Variants in PROB1 observed in about 807,000 individuals in gnomAD.
PROB1 encodes proline-rich basic protein 1.
For missense variants in PROB1, 1,453 were observed against 1,485.7 expected (o/e 0.98, Z 0.36); for synonymous variants, 660 against 699.3 (o/e 0.94, Z 0.89).
At position 139,394,718 on chromosome 5, in the gene PROB1, C is replaced by T. The variant is rs73255289; in HGVS notation, c.364G>A (p.Gly122Ser). 0.11 allele frequency: 175,143 copies of T among 1,531,728 alleles called. 10,479 individuals carry two copies. Among genetic ancestry groups the T allele is most frequent in the East Asian group, 0.15 (6,007 of 39,852 alleles). 94.9% of individuals were successfully genotyped at this position (1,531,728 alleles called of 1,614,324 possible). A position where few individuals can be genotyped will look rare whatever the true frequency, so the allele number is the denominator to read the frequency against. ...EVIFGVGPLF[G>S]CSGADDREAQ... ...TCGCGATCGTCTGCGCCGGAGCAGC[C>T]GAACAGGGGTCCGACGCCGAAGATG... The change falls in exon 1 of 1, where the codon GGC (glycine) becomes AGC (serine). Residue 122 changes from glycine to serine, a missense_variant. By Grantham distance (56) the Gly-to-Ser change is moderately conservative. Transcript: ENST00000434752.
rs1390871944 is a variant in PROB1 at position 139,393,915 on chromosome 5, C to T, written c.1167G>A (p.Arg389=). Residue 389 remains arginine, a synonymous_variant, in exon 1 of 1, where the codon AGG becomes AGA. Transcript: ENST00000434752. ...IPSEVPSRAV[R]PRSPSPPRQT... ...GCCGTGGCGGGGACGGGCTCCTTGGCCTCACAGCCCTACTCGGAACCTCCG... is the reference window on the plus strand; with the variant it reads ...GCCGTGGCGGGGACGGGCTCCTTGGTCTCACAGCCCTACTCGGAACCTCCG... The T allele has an allele frequency of 1.0e-5, 16 of 1,550,888 alleles. No individual in the cohort carries two copies. The highest frequency in any genetic ancestry group is 1.4e-5 in the Non-Finnish European group (16 of 1,146,988).
Position 139,393,065 on chromosome 5 carries a change from GC to G in PROB1, c.2016del (p.Ala675ProfsTer73). 1 of 1,529,300 alleles carries G rather than the reference GC, an allele frequency of 6.5e-7. No individual in the cohort carries two copies. Among genetic ancestry groups the G allele is most frequent in the Non-Finnish European group, 8.8e-7 (1 of 1,137,476 alleles). 94.7% of individuals were successfully genotyped at this position (1,529,300 alleles called of 1,614,324 possible). On this transcript the variant is annotated frameshift_variant, in exon 1 of 1. Coordinates refer to ENST00000434752, the MANE Select transcript of PROB1 (RefSeq NM_001161546.2). LOFTEE classifies it low-confidence loss of function (END_TRUNC). ...ESKTQEPPAL[G>X]PPAPAHYTSV... ...GAAGTGTAGTGAGCCGGGGCGGGGG[GC>G]CCCAGTGCTGGCGGCTCTTGCGTCT...
In PROB1 at chr5:139,392,127, C is replaced by T. The variant is rs1436831683; in HGVS notation, c.2955G>A (p.Gly985=). ...GCAGAGGAGGTGCGGGGTTGGGGGTCCCGCTCACCGGCAGGTAGTAGGTCC... is the reference window on the plus strand; with the variant it reads ...GCAGAGGAGGTGCGGGGTTGGGGGTTCCGCTCACCGGCAGGTAGTAGGTCC... ...LDGTYYLPVS[G]TPNPAPPLLL... is the part of the protein sequence containing the mutation. Residue 985 remains glycine, a synonymous_variant, in exon 1 of 1, where the codon GGG becomes GGA. Transcript: ENST00000434752. This position sits in a 1 kb window ranked among gnomAD's most constrained non-coding sequence, Gnocchi z 5.8. 10 of 1,407,850 alleles carry T rather than the reference C, an allele frequency of 7.1e-6. No individual in the cohort carries two copies. The highest frequency in any genetic ancestry group is 9.3e-6 in the Non-Finnish European group (10 of 1,076,452). The allele number at this position is 1,407,850 out of a possible 1,614,324, so 87.2% of individuals were successfully genotyped here.
Position 139,392,849 on chromosome 5 carries a change from G to A in PROB1, c.2233C>T (p.Pro745Ser). The A allele has an allele frequency of 1.3e-6, 2 of 1,540,442 alleles. No individual in the cohort carries two copies. The highest frequency in any genetic ancestry group is 1.8e-6 in the Non-Finnish European group (2 of 1,141,680). Reference protein sequence around the residue: ...LPGALALGRRPEVTSRVRARG... With the variant: ...LPGALALGRRSEVTSRVRARG... ...GCTCGCACTCGCGAGGTTACCTCGG[G>A]CCGGCGACCCAAGGCCAGGGCCCCA... The change falls in exon 1 of 1, where the codon CCC becomes TCC. Residue 745 changes from proline (P) to serine (S), a missense_variant. Coordinates refer to ENST00000434752, the MANE Select transcript of PROB1 (RefSeq NM_001161546.2). The surrounding 1 kb of genome is among the most constrained non-coding windows in gnomAD (Gnocchi z 5.8).
rs1404263110 is a variant in PROB1 at position 139,394,917 on chromosome 5, A to G, written c.165T>C (p.Asn55=). The G allele has an allele frequency of 6.6e-7, 1 of 1,519,256 alleles. No homozygotes were observed. The highest frequency in any genetic ancestry group is 8.8e-7 in the Non-Finnish European group (1 of 1,134,718). The allele number at this position is 1,519,256 out of a possible 1,614,324, so 94.1% of individuals were successfully genotyped here. ...CCCGCCCAGGAGCCACCCAGGGCCA[A>G]TTCGCTGGGCCTTTCGCGTCCGGCC... The part of the protein sequence containing the change: ...DVGPDAKGPA[N]WPWVAPGRGA... Residue 55 remains asparagine, a synonymous_variant, in exon 1 of 1, where the codon AAT becomes AAC. Transcript: ENST00000434752.
Position 139,394,737 on chromosome 5 carries a change from GA to G in PROB1, c.344del (p.Phe115SerfsTer57), listed in dbSNP as rs1758664346. On this transcript the variant is annotated frameshift_variant, in exon 1 of 1. Coordinates refer to ENST00000434752, the MANE Select transcript of PROB1 (RefSeq NM_001161546.2). LOFTEE classifies it low-confidence loss of function (END_TRUNC). Reference protein sequence around the residue: ...TLPSGEMEVIFGVGPLFGCSG... With the variant: ...TLPSGEMEVIXGVGPLFGCSG... ...AGCAGCCGAACAGGGGTCCGACGCC[GA>G]AGATGACTTCCATCTCCCCCGACGG... 1 of 1,533,214 alleles carries G rather than the reference GA, an allele frequency of 6.5e-7. No homozygotes were observed. The highest frequency in any genetic ancestry group is 1.4e-5 in the African/African-American group (1 of 71,316). The allele number at this position is 1,533,214 out of a possible 1,614,324, so 95.0% of individuals were successfully genotyped here. A position where few individuals can be genotyped will look rare whatever the true frequency, so the allele number is the denominator to read the frequency against.
rs1190140269 is a variant in PROB1 at position 139,392,737 on chromosome 5, G to A, written c.2345C>T (p.Ala782Val). Residue 782 changes from alanine to valine, a missense_variant, in exon 1 of 1, where the codon GCC becomes GTC. Transcript: ENST00000434752. The surrounding 1 kb of genome is among the most constrained non-coding windows in gnomAD (Gnocchi z 5.8). ...GDGRTSPLGG[A>V]RSSSQRSPVG... The stretch of plus-strand genomic sequence containing the variant: ...GGGGGAGCGCTGGGATGAGCTGCGG[G>A]CGCCGCCTAGAGGGCTGGTCCGACC... 7.1e-7 allele frequency: 1 copy of A among 1,411,882 alleles called. No individual in the cohort carries two copies. The highest frequency in any genetic ancestry group is 3.3e-5 in the Admixed American group (1 of 30,188). The allele number at this position is 1,411,882 out of a possible 1,614,324, so 87.5% of individuals were successfully genotyped here. A position where few individuals can be genotyped will look rare whatever the true frequency, so the allele number is the denominator to read the frequency against.
At position 139,394,523 on chromosome 5, in the gene PROB1, C is replaced by G; in HGVS notation, c.559G>C (p.Glu187Gln). 1 of 1,465,046 alleles carries G rather than the reference C, an allele frequency of 6.8e-7. No individual in the cohort carries two copies. Among genetic ancestry groups the G allele is most frequent in the South Asian group, 1.4e-5 (1 of 72,556 alleles). The allele number at this position is 1,465,046 out of a possible 1,614,324, so 90.8% of individuals were successfully genotyped here. The change falls in exon 1 of 1, where the codon GAG (glutamate) becomes CAG (glutamine). Residue 187 changes from glutamate to glutamine, a missense_variant. Coordinates refer to ENST00000434752, the MANE Select transcript of PROB1 (RefSeq NM_001161546.2). ...TCCTCCAGAGCCACCTCCACACACTCGAACTGCGCTGGGGCGGCAGGACTT... is the reference window on the plus strand; with the variant it reads ...TCCTCCAGAGCCACCTCCACACACTGGAACTGCGCTGGGGCGGCAGGACTT... ...GPSPAAPAQF[E>Q]CVEVALEEGA...
At position 139,393,840 on chromosome 5, in the gene PROB1, G is replaced by C. The variant is rs1387762747; in HGVS notation, c.1242C>G (p.Asn414Lys). The C allele has an allele frequency of 1.3e-6, 2 of 1,551,016 alleles. No homozygotes were observed. Among genetic ancestry groups the C allele is most frequent in the East Asian group, 4.9e-5 (2 of 40,874 alleles). Residue 414 changes from asparagine to lysine, a missense_variant, in exon 1 of 1, where the codon AAC becomes AAG. Physicochemically the swap from Asn to Lys is moderately conservative, Grantham distance 94. Transcript: ENST00000434752. The part of the protein sequence containing the change: ...VRGPRCPSPQ[N>K]LSPWDRTTRR... ...GAGTAGTCCGATCCCACGGGGACAG[G>C]TTCTGGGGCGACGGGCAGCGAGGAC...
At position 139,393,515 on chromosome 5, in the gene PROB1, C is replaced by A. The variant is rs1310930379; in HGVS notation, c.1567G>T (p.Asp523Tyr). 6.4e-7 allele frequency: 1 copy of A among 1,551,496 alleles called. No individual in the cohort carries two copies. Residue 523 changes from aspartate (D) to tyrosine (Y), a missense_variant, in exon 1 of 1, where the codon GAT (aspartate) becomes TAT (tyrosine). Physicochemically the swap from Asp to Tyr is radical, Grantham distance 160. Transcript: ENST00000434752. Reference protein sequence around the residue: ...TWGPSPQETWDPMGPGSSIAF... With the variant: ...TWGPSPQETWYPMGPGSSIAF... Reference sequence around the variant, plus strand: ...ATCGATGAGCCCGGCCCCATGGGATCCCATGTCTCTTGGGGAGATGGGCCC... The same window carrying A: ...ATCGATGAGCCCGGCCCCATGGGATACCATGTCTCTTGGGGAGATGGGCCC...
At position 139,392,245 on chromosome 5, in the gene PROB1, G is replaced by A. The variant is rs759478697; in HGVS notation, c.2837C>T (p.Pro946Leu). 2.4e-5 allele frequency: 36 copies of A among 1,483,622 alleles called. No homozygotes were observed. The South Asian group carries it at 2.6e-4, about 11-fold the overall frequency. The allele number at this position is 1,483,622 out of a possible 1,614,324, so 91.9% of individuals were successfully genotyped here. Residue 946 changes from proline to leucine, a missense_variant, in exon 1 of 1, where the codon CCT becomes CTT. Transcript: ENST00000434752. The surrounding 1 kb of genome is among the most constrained non-coding windows in gnomAD (Gnocchi z 5.8). ...GLGLYPPAYG[P>L]IPSLSLPPSP... Reference sequence around the variant, plus strand: ...CGGTGGCAGAGAGAGGCTGGGTATAGGCCCATAGGCGGGCGGGTAGAGGCC... The same window carrying A: ...CGGTGGCAGAGAGAGGCTGGGTATAAGCCCATAGGCGGGCGGGTAGAGGCC...
Position 139,393,851 on chromosome 5 carries a change from A to T in PROB1, c.1231T>A (p.Ser411Thr). The change falls in exon 1 of 1, where the codon TCG (serine) becomes ACG (threonine). Residue 411 changes from serine (S) to threonine (T), a missense_variant. Coordinates refer to ENST00000434752, the MANE Select transcript of PROB1 (RefSeq NM_001161546.2). ...NGAVRGPRCP[S>T]PQNLSPWDRT... is the part of the protein sequence containing the mutation. ...TCCCACGGGGACAGGTTCTGGGGCG[A>T]CGGGCAGCGAGGACCCCGTACAGCC... The T allele has an allele frequency of 6.4e-7, 1 of 1,551,196 alleles. No homozygotes were observed. Among genetic ancestry groups the T allele is most frequent in the East Asian group, 2.4e-5 (1 of 40,896 alleles).
rs202094107 is a variant in PROB1, at chr5:139,392,567, G to A, written c.2515C>T (p.Pro839Ser). ...AAVQAPLPRE[P>S]LALAGRTAPA... ...GCCGTCCTGCCCGCCAACGCCAGGGGCTCCCGCGGGAGTGGCGCCTGGACG... is the reference window on the plus strand; with the variant it reads ...GCCGTCCTGCCCGCCAACGCCAGGGACTCCCGCGGGAGTGGCGCCTGGACG... Residue 839 changes from proline to serine, a missense_variant, in exon 1 of 1, where the codon CCC becomes TCC. Transcript: ENST00000434752. This position sits in a 1 kb window ranked among gnomAD's most constrained non-coding sequence, Gnocchi z 5.8. The A allele has an allele frequency of 5.1e-3, 6,874 of 1,353,364 alleles. 19 individuals carry two copies. The highest frequency in any genetic ancestry group is 5.9e-3 in the Non-Finnish European group (6,224 of 1,057,924). The allele number at this position is 1,353,364 out of a possible 1,614,324, so 83.8% of individuals were successfully genotyped here.
chr5:139,393,048 G>A lies in PROB1; in HGVS notation c.2034C>T (p.His678=), dbSNP rs1758626846. 3 of 1,533,576 alleles carry A rather than the reference G, an allele frequency of 2.0e-6. No homozygotes were observed. The highest frequency in any genetic ancestry group is 1.4e-5 in the African/African-American group (1 of 72,382). 95.0% of individuals were successfully genotyped at this position (1,533,576 alleles called of 1,614,324 possible). The change falls in exon 1 of 1, where the codon CAC becomes CAT. Residue 678 remains histidine (H), a synonymous_variant. Transcript: ENST00000434752. ...AATCCTTGATGAAAACGGAAGTGTA[G>A]TGAGCCGGGGCGGGGGGCCCCAGTG... is the stretch of plus-strand genomic sequence containing the variant. ...PPALGPPAPA[H]YTSVFIKDFL... is the part of the protein sequence containing the mutation.
At position 139,395,059 on chromosome 5, in the gene PROB1, G is replaced by T; in HGVS notation, c.23C>A (p.Pro8Gln). 2 of 1,416,736 alleles carry T rather than the reference G, an allele frequency of 1.4e-6. No homozygotes were observed. The highest frequency in any genetic ancestry group is 1.8e-6 in the Non-Finnish European group (2 of 1,086,188). The allele number at this position is 1,416,736 out of a possible 1,614,324, so 87.8% of individuals were successfully genotyped here. ...CTGCCTCGGGATCCCAGGCAGGGCTGGCGGGGCGAGCGCGGTCAGCATGGT... is the reference window on the plus strand; with the variant it reads ...CTGCCTCGGGATCCCAGGCAGGGCTTGCGGGGCGAGCGCGGTCAGCATGGT... MLTALAP[P>Q]ALPGIPRQLP... Residue 8 changes from proline (P) to glutamine (Q), a missense_variant, in exon 1 of 1, where the codon CCA becomes CAA. Coordinates refer to ENST00000434752, the MANE Select transcript of PROB1 (RefSeq NM_001161546.2).
chr5:139,392,226 CAG>C lies in PROB1; in HGVS notation c.2854_2855del (p.Leu952AlafsTer19). ...PAYGPIPSLS[L>X]PPSPGPQALG... ...GGGCCTGCGGGCCCGGGGACGGTGGCAGAGAGAGGCTGGGTATAGGCCCATAG... is the reference window on the plus strand; with the variant it reads ...GGGCCTGCGGGCCCGGGGACGGTGGCAGAGAGGCTGGGTATAGGCCCATAG... On this transcript the variant is annotated frameshift_variant, in exon 1 of 1. Coordinates refer to ENST00000434752, the MANE Select transcript of PROB1 (RefSeq NM_001161546.2). LOFTEE classifies it low-confidence loss of function (END_TRUNC). This position sits in a 1 kb window ranked among gnomAD's most constrained non-coding sequence, Gnocchi z 5.8. 4.2e-6 allele frequency: 6 copies of C among 1,445,118 alleles called. No homozygotes were observed. Among genetic ancestry groups the C allele is most frequent in the Middle Eastern group, 1.8e-4 (1 of 5,484 alleles). The allele number at this position is 1,445,118 out of a possible 1,614,324, so 89.5% of individuals were successfully genotyped here.
Position 139,393,798 on chromosome 5 carries a change from T to C in PROB1, c.1284A>G (p.Pro428=). Residue 428 remains proline (P), a synonymous_variant, in exon 1 of 1, where the codon CCA becomes CCG. Coordinates refer to ENST00000434752, the MANE Select transcript of PROB1 (RefSeq NM_001161546.2). ...WDRTTRRVSS[P]LFPEASSEWE... ...ACTCGGAGGAGGCTTCAGGGAACAA[T>C]GGGCTACTCACCCTCCGAGTAGTCC... is the stretch of plus-strand genomic sequence containing the variant. 6.4e-7 allele frequency: 1 copy of C among 1,551,308 alleles called. No homozygotes were observed. Among genetic ancestry groups the C allele is most frequent in the Non-Finnish European group, 8.7e-7 (1 of 1,146,932 alleles).
Position 139,393,308 on chromosome 5 carries a change from T to G in PROB1, c.1774A>C (p.Ser592Arg), listed in dbSNP as rs931167385. The change falls in exon 1 of 1, where the codon AGC (serine) becomes CGC (arginine). Residue 592 changes from serine to arginine, a missense_variant. Coordinates refer to ENST00000434752, the MANE Select transcript of PROB1 (RefSeq NM_001161546.2). ...GCGTCCAGGGTGCCCACAGGGTGGC[T>G]GCCGGGCGGCTCGGGTGCTGCTACC... ...PEVAAPEPPG[S>R]HPVGTLDADK... The G allele has an allele frequency of 1.0e-5, 16 of 1,550,654 alleles. No individual in the cohort carries two copies. In the Admixed American group the frequency reaches 3.1e-4, roughly 30 times the overall value.
Position 139,392,930 on chromosome 5 carries a change from G to A in PROB1, c.2152C>T (p.Arg718Trp), listed in dbSNP as rs1758623172. ...DASQPNGVLRRRAENSTAKPF... is the reference protein window; with the variant it reads ...DASQPNGVLRWRAENSTAKPF... ...TTCGCCGTGCTGTTCTCTGCCCTCC[G>A]CCGCAGGACCCCGTTGGGCTGTGAG... The change falls in exon 1 of 1, where the codon CGG (arginine) becomes TGG (tryptophan). Residue 718 changes from arginine (R) to tryptophan (W), a missense_variant. By Grantham distance (101) the Arg-to-Trp change is moderately radical. Transcript: ENST00000434752. The surrounding 1 kb of genome is among the most constrained non-coding windows in gnomAD (Gnocchi z 5.8). The A allele has an allele frequency of 1.3e-6, 2 of 1,525,106 alleles. No individual in the cohort carries two copies. The highest frequency in any genetic ancestry group is 1.8e-6 in the Non-Finnish European group (2 of 1,131,788). The allele number at this position is 1,525,106 out of a possible 1,614,324, so 94.5% of individuals were successfully genotyped here.
Sources: allele counts gnomAD v4.1 joint callset, GRCh38; gene constraint gnomAD v4.1.1; non-coding constraint Gnocchi (gnomAD v3.1); transcripts MANE v1.5; gene names NCBI Gene and HGNC (gene_info 2026-07-23, HGNC 2026-07-21).